SGK1: variants seen among roughly 807,000 people sequenced by gnomAD.
The protein encoded by SGK1 is serine/threonine-protein kinase Sgk1.
SGK1 carries 26 observed loss-of-function variants against 64.2 expected under a neutral mutation model. The ratio of observed to expected loss-of-function variants is 0.40; its 90% CI spans 0.30 to 0.56. The LOEUF (loss-of-function observed/expected upper bound fraction) is 0.56. Among genes scored for constraint, SGK1 ranks in the 20% least tolerant of loss-of-function variants. The probability of loss-of-function intolerance (pLI) is 0.38; values close to 1 mark genes in which losing one functional copy is unlikely to be tolerated. For synonymous variants in SGK1, 265 were observed against 239.7 expected (o/e 1.11, Z -0.98); for missense variants, 519 against 645.6 (o/e 0.80, Z 2.12).
At chr6:134,220,436 C>T (rs1776072397) in intron 2 of SGK1, among the ~76,000 whole-genome samples, 1 of 152,076 alleles carries the variant, frequency 6.6e-6, no homozygotes, top group African/African-American at 2.4e-5. Context: ...TTAAGAGAGG[C>T]CTCCTTGCAT....
At chr6:134,172,390 G>C in intron 9 of SGK1, 74 bp from the exon 10 acceptor site, 1 of 1,465,028 alleles carries the variant, frequency 6.8e-7, no homozygotes, top group Non-Finnish European at 9.4e-7. Flanking sequence ...AAAGATAATT[G>C]CTAAAGGTAT....
intron 2 of SGK1, among the ~76,000 whole-genome samples, chr6:134,259,233 A>G (rs1435867933): frequency 6.6e-6 from 1 of 152,222 alleles, no homozygotes; most frequent in African/African-American, 2.4e-5. Context: ...CAAATGGGAC[A>G]TAGAGTAGGC....
intron 3 of SGK1, among the ~76,000 whole-genome samples, chr6:134,183,831 TAGA>T (rs1327486793): frequency 6.6e-6 from 1 of 151,854 alleles, no homozygotes. Context: ...GCTGATCCTT[TAGA>T]AGAACCTGTC....
At chr6:134,206,379 ATATATTTT>A (rs1775783209) in intron 3 of SGK1, among the ~76,000 whole-genome samples, 2 of 4,582 alleles carry the variant, frequency 4.4e-4, no homozygotes, top group African/African-American at 1.3e-3. Flanking sequence ...ATATATATAT[ATATATTTT>A]TTTTTTTTTT....
chr6:134,183,663 T>C lies in SGK1; in HGVS notation c.362-9077A>G, dbSNP rs72972223. On this transcript the variant is annotated intron_variant, in intron 3 of 13. Transcript: ENST00000367858. ...TGGGCACGTTTGATCATTTAGATTA[T>C]CTAGTTTTTCAAGTGAGGAATGTGC... 1.0e-2 allele frequency among the ~76,000 whole-genome samples: 1,517 copies of C among 152,290 alleles called. 13 individuals carry two copies. Among genetic ancestry groups the C allele is most frequent in the South Asian group, 0.015 (71 of 4,824 alleles).
intron 2 of SGK1, among the ~76,000 whole-genome samples, chr6:134,243,223 G>C (rs965591092): frequency 2.0e-5 from 3 of 151,910 alleles, no homozygotes; most frequent in African/African-American, 4.8e-5. Flanking sequence ...ATATACTGAT[G>C]GTTCAGTTTT....
chr6:134,292,754 G>C (rs761632929), intron 1 of SGK1, among the ~76,000 whole-genome samples: 3 of 152,216 alleles, frequency 2.0e-5, no homozygotes, highest in African/African-American at 4.8e-5. Context: ...GCTTTTGGCA[G>C]TAGACATGAC....
In SGK1 at chr6:134,173,104, G is replaced by A. The variant is rs1775084749; in HGVS notation, c.753C>T (p.His251=). The change falls in exon 8 of 14, where the codon CAC becomes CAT. Residue 251 remains histidine (H), a synonymous_variant. Coordinates refer to ENST00000367858, the MANE Select transcript of SGK1 (RefSeq NM_001143676.3). ...ERNVLLKNVK[H]PFLVGLHFSF... is the part of the protein sequence containing the mutation. ...AGAAGTGAAGGCCCACCAGGAAAGG[G>A]TGCTTCACATTCTTCAACAGAACAT... 21 of 1,614,082 alleles carry A rather than the reference G, an allele frequency of 1.3e-5. No homozygotes were observed. In the East Asian group the frequency reaches 4.7e-4, roughly 36 times the overall value.
At chr6:134,243,443 C>A (rs1236755792) in intron 2 of SGK1, among the ~76,000 whole-genome samples, 3 of 152,134 alleles carry the variant, frequency 2.0e-5, no homozygotes, top group Non-Finnish European at 4.4e-5. Context: ...GATCTCGGTT[C>A]ACTGCAACCT....
chr6:134,274,847 C>T (rs1776996729), intron 1 of SGK1, among the ~76,000 whole-genome samples: 1 of 151,802 alleles, frequency 6.6e-6, no homozygotes, highest in African/African-American at 2.4e-5. Flanking sequence ...ACTCTGTCAC[C>T]CAGGCTGGAG....
chr6:134,221,396 G>GT (rs1776088517), intron 2 of SGK1, among the ~76,000 whole-genome samples: 1 of 152,194 alleles, frequency 6.6e-6, no homozygotes, highest in Non-Finnish European at 1.5e-5. Flanking sequence ...TCCTGGGGTT[G>GT]TACTCACTGA....
chr6:134,267,304 G>GT (rs899055408), intron 1 of SGK1, among the ~76,000 whole-genome samples: 23 of 149,858 alleles, frequency 1.5e-4, no homozygotes, highest in Non-Finnish European at 2.1e-4. Flanking sequence ...TGTTTGGTTG[G>GT]TTTTTTTTAC....
At chr6:134,226,103 G>A (rs917107523) in intron 2 of SGK1, among the ~76,000 whole-genome samples, 5 of 151,860 alleles carry the variant, frequency 3.3e-5, no homozygotes, top group African/African-American at 1.2e-4. Context: ...CTGGGTGACA[G>A]AGCGAGACCC....
At chr6:134,188,924 T>C (rs1377125591) in intron 3 of SGK1, among the ~76,000 whole-genome samples, 1 of 149,092 alleles carries the variant, frequency 6.7e-6, no homozygotes, top group East Asian at 1.9e-4. Flanking sequence ...TTTTTTTTTT[T>C]TTTTTGAGAC....
At chr6:134,283,408 T>G (rs949935595) in intron 1 of SGK1, among the ~76,000 whole-genome samples, 2 of 152,070 alleles carry the variant, frequency 1.3e-5, no homozygotes, top group Admixed American at 6.5e-5. Context: ...AGAGAATTGC[T>G]TGAACCCAGA....
chr6:134,297,691 C>T (rs1367502058), intron 1 of SGK1: 4 of 439,426 alleles, frequency 9.1e-6, no homozygotes, highest in Non-Finnish European at 1.7e-5. Context: ...TTAGTAGAGA[C>T]AGGGTTTCAC....
Position 134,215,296 on chromosome 6 carries a change from A to G in SGK1, c.286-7865T>C, listed in dbSNP as rs9493859. On this transcript the variant is annotated intron_variant, in intron 2 of 13. Coordinates refer to ENST00000367858, the MANE Select transcript of SGK1 (RefSeq NM_001143676.3). ...ATGCCTGGCTAATTTTTGTATGTTTAGTAGAGACAGGGTTTCACCATGTTG... is the reference window on the plus strand; with the variant it reads ...ATGCCTGGCTAATTTTTGTATGTTTGGTAGAGACAGGGTTTCACCATGTTG... Among the ~76,000 whole-genome samples the G allele has an allele frequency of 2.6e-3, 398 of 151,728 alleles. 4 individuals are homozygous for G. Among genetic ancestry groups the G allele is most frequent in the African/African-American group, 9.2e-3 (381 of 41,410 alleles).
At chr6:134,175,945 GC>G (rs1257518549) in intron 3 of SGK1, 1 of 1,092,374 alleles carries the variant, frequency 9.2e-7, no homozygotes, top group African/African-American at 1.6e-5. Context: ...AGGGGAGGGG[GC>G]GGAAATAAAA....
At chr6:134,261,465 T>C in intron 2 of SGK1, 1 of 251,606 alleles carries the variant, frequency 4.0e-6, no homozygotes, top group Non-Finnish European at 7.6e-6. Context: ...AGTAAAAAGA[T>C]CAGTGGTTGC....
Sources: allele counts gnomAD v4.1 joint callset (sites outside exome capture counted in the v4.1 genomes callset), GRCh38; gene constraint gnomAD v4.1.1; transcripts MANE v1.5; gene names NCBI Gene and HGNC (gene_info 2026-07-23, HGNC 2026-07-21).